Variants in MMP20 observed in about 807,000 individuals in gnomAD.
MMP20 encodes matrix metallopeptidase 20, also known as matrix metalloproteinase-20.
Under a neutral mutation model 51.8 loss-of-function variants are expected in MMP20, and 50 were observed. That is an observed-to-expected ratio of 0.97 (90% CI 0.77 to 1.22). MMP20 has a LOEUF of 1.22. MMP20 is among the 50% of genes most tolerant of loss of function. The pLI, the probability that MMP20 is intolerant of heterozygous loss-of-function variation, is 0.00. For synonymous variants in MMP20, 244 were observed against 216.2 expected (o/e 1.13, Z -1.13); for missense variants, 663 against 601.4 (o/e 1.10, Z -1.07).
intron 9 of MMP20, 151 bp downstream of exon 9, chr11:102,578,888 C>G (rs1324215363): frequency 1.5e-6 from 1 of 650,718 alleles, no homozygotes; most frequent in Non-Finnish European, 2.8e-6. Context: ...TTCTAGTGGA[C>G]AATCTGTTTA....
intron 2 of MMP20, among the ~76,000 whole-genome samples, chr11:102,612,759 G>A (rs1262336224): frequency 9.6e-6 from 1 of 104,694 alleles, no homozygotes. Context: ...TTTTTGAGAT[G>A]GAGTTTTGCT....
chr11:102,618,940 G>T (rs924007485), intron 1 of MMP20, among the ~76,000 whole-genome samples: 3 of 152,106 alleles, frequency 2.0e-5, no homozygotes, highest in Non-Finnish European at 4.4e-5. Context: ...TCCTGTGAGA[G>T]AAGATCGCTT....
intron 8 of MMP20, among the ~76,000 whole-genome samples, chr11:102,582,304 A>G (rs1272544105): frequency 6.6e-6 from 1 of 152,174 alleles, no homozygotes; most frequent in African/African-American, 2.4e-5. Flanking sequence ...CCCTCTTAGA[A>G]GCACTAAATG....
At chr11:102,594,222 G>C (rs753659691) in intron 7 of MMP20, among the ~76,000 whole-genome samples, 3 of 152,230 alleles carry the variant, frequency 2.0e-5, no homozygotes, top group Non-Finnish European at 4.4e-5. Context: ...TCTCCTGGCT[G>C]CTTCTGACCA....
chr11:102,586,789 C>A lies in MMP20; in HGVS notation c.1247+6650G>T, dbSNP rs138228160. 4.9e-3 allele frequency among the ~76,000 whole-genome samples: 744 copies of A among 151,996 alleles called. 3 individuals are homozygous for A. Among genetic ancestry groups the A allele is most frequent in the African/African-American group, 0.017 (697 of 41,448 alleles). On this transcript the variant is annotated intron_variant, in intron 8 of 9. Coordinates refer to ENST00000260228, the MANE Select transcript of MMP20 (RefSeq NM_004771.4). ...CCGAGATCATGCCACTGTACTCCAG[C>A]CTGGGGGACAGAGCAAGACTCCGCC... is the stretch of plus-strand genomic sequence containing the variant.
chr11:102,579,195 G>A (rs576242694), intron 8 of MMP20, 53 bp from the exon 9 acceptor site: 1 of 1,267,828 alleles, frequency 7.9e-7, no homozygotes, highest in Non-Finnish European at 1.1e-6. Flanking sequence ...TTTACTGGTT[G>A]TAGATGACAC....
chr11:102,579,733 C>A (rs755027786), intron 8 of MMP20, among the ~76,000 whole-genome samples: 2 of 152,164 alleles, frequency 1.3e-5, no homozygotes, highest in Non-Finnish European at 2.9e-5. Flanking sequence ...TTAAAGCAGT[C>A]TCCAAAAAGT....
At chr11:102,604,617 C>T (rs1631411) in intron 6 of MMP20, among the ~76,000 whole-genome samples, 61,850 of 152,010 alleles carry the variant, frequency 0.41, 13,029 homozygotes, top group South Asian at 0.58. Context: ...GCCTGGGTTC[C>T]TGGGCTCAGC....
chr11:102,623,296 T>C (rs953853671), intron 1 of MMP20, among the ~76,000 whole-genome samples: 1 of 152,306 alleles, frequency 6.6e-6, no homozygotes, highest in East Asian at 1.9e-4. Context: ...GAAACCAGTC[T>C]GTGGCCTGTT....
chr11:102,577,533 T>A (rs1859140385), intron 9 of MMP20, 107 bp from the exon 10 acceptor site: 2 of 804,444 alleles, frequency 2.5e-6, no homozygotes, highest in South Asian at 2.9e-5. Context: ...AGAGGAATTG[T>A]GAATTTGTCA....
chr11:102,606,771 G>A (rs544768610), intron 5 of MMP20, 95 bp from the exon 6 acceptor site: 142 of 1,410,418 alleles, frequency 1.0e-4, no homozygotes, highest in Non-Finnish European at 1.3e-4. Context: ...ACACTTTCAC[G>A]CTGGACATGT....
intron 2 of MMP20, among the ~76,000 whole-genome samples, chr11:102,616,064 T>G (rs1407082216): frequency 1.3e-5 from 2 of 152,092 alleles, no homozygotes; most frequent in East Asian, 3.8e-4. Context: ...GGACAGAGGT[T>G]CTGGTTGGGT....
intron 6 of MMP20, among the ~76,000 whole-genome samples, chr11:102,602,257 C>T (rs1304485971): frequency 2.0e-5 from 3 of 146,746 alleles, no homozygotes; most frequent in Non-Finnish European, 4.5e-5. Flanking sequence ...CTTGAGCCAC[C>T]GCGCCCGGCC....
chr11:102,610,353 C>T (rs542888041), intron 3 of MMP20, among the ~76,000 whole-genome samples: 91 of 150,266 alleles, frequency 6.1e-4, no homozygotes, highest in African/African-American at 1.6e-3. Flanking sequence ...AAAAGGAGAA[C>T]GACTGGGGCG....
At chr11:102,615,256 GAAAT>G (rs1859655020) in intron 2 of MMP20, among the ~76,000 whole-genome samples, 1 of 146,196 alleles carries the variant, frequency 6.8e-6, no homozygotes, top group African/African-American at 2.5e-5. Context: ...ATATAAATAT[GAAAT>G]AATATACTTA....
intron 2 of MMP20, among the ~76,000 whole-genome samples, chr11:102,616,321 T>C (rs965915119): frequency 6.6e-6 from 1 of 152,198 alleles, no homozygotes; most frequent in African/African-American, 2.4e-5. Context: ...GCTGTCTGTT[T>C]GCATGTCTGT....
intron 2 of MMP20, among the ~76,000 whole-genome samples, chr11:102,615,551 G>T (rs1784416): frequency 6.6e-6 from 1 of 152,024 alleles, no homozygotes. Context: ...ATCCTAAAAG[G>T]GAAATCTGAT....
intron 6 of MMP20, among the ~76,000 whole-genome samples, chr11:102,598,044 G>C (rs1859402899): frequency 9.1e-6 from 1 of 109,340 alleles, no homozygotes; most frequent in Non-Finnish European, 2.2e-5. Flanking sequence ...TGAGATTACA[G>C]GCGTAGACAC....
At position 102,615,062 on chromosome 11, in the gene MMP20, ATTAT is replaced by A. The variant is rs533728590; in HGVS notation, c.374+1746_374+1749del. Among the ~76,000 whole-genome samples, 6 of 147,774 alleles carry A rather than the reference ATTAT, an allele frequency of 4.1e-5. No homozygotes were observed. The East Asian group carries it at 9.8e-4, about 24-fold the overall frequency. On this transcript the variant is annotated intron_variant, in intron 2 of 9. Coordinates refer to ENST00000260228, the MANE Select transcript of MMP20 (RefSeq NM_004771.4). ...TAATATAATTTATTATATTAATGTA[ATTAT>A]TTAATATAATGTATTTAATATAATT...
Sources: allele counts gnomAD v4.1 joint callset (sites outside exome capture counted in the v4.1 genomes callset), GRCh38; gene constraint gnomAD v4.1.1; transcripts MANE v1.5; gene names NCBI Gene and HGNC (gene_info 2026-07-23, HGNC 2026-07-21).